The following ZNF277 variants were observed in gnomAD, a reference collection of about 807,000 sequenced individuals.
ZNF277 encodes zinc finger protein 277, also known as nuclear receptor-interacting factor 4.
In ZNF277, 55 loss-of-function variants were observed where a neutral mutation model predicts 60.7. The observed-to-expected ratio is 0.91, with a 90% confidence interval of 0.73 to 1.13. ZNF277 has a LOEUF of 1.13. Among genes scored for constraint, ZNF277 ranks in the 50% most tolerant of loss-of-function variants. The pLI is 0.00. For missense variants in ZNF277, 510 were observed against 523.0 expected (o/e 0.98, Z 0.24); for synonymous variants, 178 against 179.3 (o/e 0.99, Z 0.06).
At chr7:112,268,301 CTGAG>C in intron 1 of ZNF277, among the ~76,000 whole-genome samples, 1 of 151,700 alleles carries the variant, frequency 6.6e-6, no homozygotes. Flanking sequence ...AGCTTAGTGA[CTGAG>C]TATTTTGAAT....
intron 1 of ZNF277, among the ~76,000 whole-genome samples, chr7:112,209,725 A>C (rs1821686481): frequency 6.6e-6 from 1 of 152,178 alleles, no homozygotes; most frequent in Non-Finnish European, 1.5e-5. Flanking sequence ...GTGTGATATA[A>C]ATTTTAGGTG....
chr7:112,288,951 TAAAAAAAAAAA>T lies in ZNF277; in HGVS notation c.293+1895_293+1905del, dbSNP rs759044500. The T allele has an allele frequency of 5.3e-3, 374 of 70,392 alleles. 3 individuals are homozygous for T. The highest frequency in any genetic ancestry group is 0.023 in the African/African-American group (349 of 14,920). 4.4% of individuals were successfully genotyped at this position (70,392 alleles called of 1,614,324 possible). On this transcript the variant is annotated intron_variant, in intron 2 of 11. Coordinates refer to ENST00000361822, the MANE Select transcript of ZNF277 (RefSeq NM_021994.3). ...GCTGCATGTGGCAGTCTGCCTTTCT[TAAAAAAAAAAA>T]AAAAAAAAAAAAAAAAAGAAGAGTA...
intron 7 of ZNF277, among the ~76,000 whole-genome samples, chr7:112,335,744 A>C (rs1793316860): frequency 6.6e-6 from 1 of 152,210 alleles, no homozygotes; most frequent in South Asian, 2.1e-4. Context: ...CTGGAAATGT[A>C]ACAATGAACA....
chr7:112,233,918 T>G (rs1259319365), intron 1 of ZNF277, among the ~76,000 whole-genome samples: 1 of 152,172 alleles, frequency 6.6e-6, no homozygotes, highest in Non-Finnish European at 1.5e-5. Flanking sequence ...ATTGCTTTTC[T>G]GGCTACTTTT....
chr7:112,252,245 T>C (rs1462775581), intron 1 of ZNF277, among the ~76,000 whole-genome samples: 2 of 152,180 alleles, frequency 1.3e-5, no homozygotes, highest in South Asian at 4.1e-4. Flanking sequence ...TACAACTACA[T>C]TTGAGATGCA....
At chr7:112,240,565 T>A (rs1389783996) in intron 1 of ZNF277, among the ~76,000 whole-genome samples, 3 of 152,104 alleles carry the variant, frequency 2.0e-5, no homozygotes, top group Admixed American at 1.3e-4. Context: ...CACAAAAAAA[T>A]TTTTAAGAAA....
At chr7:112,263,394 AT>A (rs1400504530) in intron 1 of ZNF277, among the ~76,000 whole-genome samples, 1 of 152,222 alleles carries the variant, frequency 6.6e-6, no homozygotes, top group African/African-American at 2.4e-5. Context: ...AAAACTGTTT[AT>A]GATTCTTACT....
chr7:112,310,121 T>A (rs1054554824), intron 4 of ZNF277, among the ~76,000 whole-genome samples: 3 of 152,052 alleles, frequency 2.0e-5, no homozygotes, highest in Non-Finnish European at 4.4e-5. Context: ...TGGTTGAGCT[T>A]GATCTCCAGC....
chr7:112,287,244 A>G, intron 2 of ZNF277, 170 bp downstream of exon 2: 1 of 632,116 alleles, frequency 1.6e-6, no homozygotes, highest in Non-Finnish European at 2.7e-6. Flanking sequence ...GATCAATGGC[A>G]TGCACCTGTA....
At chr7:112,318,674 C>T (rs1403247767) in intron 5 of ZNF277, among the ~76,000 whole-genome samples, 1 of 151,866 alleles carries the variant, frequency 6.6e-6, no homozygotes, top group East Asian at 1.9e-4. Context: ...TATCACCAAC[C>T]CCAGCTGGTC....
chr7:112,213,664 A>G (rs1189525729), intron 1 of ZNF277, among the ~76,000 whole-genome samples: 1 of 152,226 alleles, frequency 6.6e-6, no homozygotes, highest in Non-Finnish European at 1.5e-5. Context: ...AAGTCACACA[A>G]TAACTGAGAA....
At chr7:112,281,989 C>T (rs527686149) in intron 1 of ZNF277, among the ~76,000 whole-genome samples, 48 of 152,266 alleles carry the variant, frequency 3.2e-4, no homozygotes, top group African/African-American at 1.1e-3. Context: ...TGTGCCACCA[C>T]GCCCTGCTAA....
chr7:112,286,010 A>G (rs1251234330), intron 1 of ZNF277, among the ~76,000 whole-genome samples: 2 of 152,148 alleles, frequency 1.3e-5, no homozygotes, highest in Non-Finnish European at 2.9e-5. Context: ...ACTAACTACT[A>G]AATAGCCTGT....
chr7:112,305,924 C>A (rs1792578997), intron 4 of ZNF277, among the ~76,000 whole-genome samples: 1 of 152,074 alleles, frequency 6.6e-6, no homozygotes. Context: ...TATTAGGGAG[C>A]TCTGCCATTT....
intron 1 of ZNF277, among the ~76,000 whole-genome samples, chr7:112,253,449 T>A (rs776112485): frequency 1.6e-4 from 24 of 152,158 alleles, no homozygotes; most frequent in Non-Finnish European, 2.9e-4. Flanking sequence ...CCTGTTGAAA[T>A]CTACCTCTCA....
At chr7:112,290,860 T>C (rs1262511048) in intron 2 of ZNF277, among the ~76,000 whole-genome samples, 1 of 152,132 alleles carries the variant, frequency 6.6e-6, no homozygotes, top group Non-Finnish European at 1.5e-5. Flanking sequence ...GAAGACAAGG[T>C]ATAAGGTGTA....
chr7:112,301,189 G>T (rs540933661), intron 4 of ZNF277, among the ~76,000 whole-genome samples: 1 of 151,756 alleles, frequency 6.6e-6, no homozygotes, highest in South Asian at 2.1e-4. Flanking sequence ...CTTTCGTAGC[G>T]ATGGGGTCTC....
At chr7:112,339,973 T>G in intron 10 of ZNF277, 88 bp downstream of exon 10, 1 of 1,240,190 alleles carries the variant, frequency 8.1e-7, no homozygotes, top group South Asian at 1.2e-5. Context: ...TAGCTATGAT[T>G]GGAGAGTGCA....
intron 4 of ZNF277, 125 bp from the exon 5 acceptor site, chr7:112,318,057 A>G (rs1291269408): frequency 2.9e-6 from 2 of 692,614 alleles, no homozygotes; most frequent in Non-Finnish European, 4.9e-6. Flanking sequence ...GAAATTTGAA[A>G]TGTTGGCAAC....
Sources: gnomAD v4.1 joint callset for allele counts (sites outside exome capture counted in the v4.1 genomes callset) on GRCh38, gnomAD v4.1.1 for gene constraint, MANE v1.5 for transcripts, NCBI Gene and HGNC (gene_info 2026-07-23, HGNC 2026-07-21) for gene names.